The following REV1 variants were observed in gnomAD, a reference collection of about 807,000 sequenced individuals.
The protein encoded by REV1 is translesion synthesis protein REV1.
REV1 carries 42 observed loss-of-function variants against 137.4 expected under a neutral mutation model. The ratio of observed to expected loss-of-function variants is 0.31; its 90% CI spans 0.24 to 0.40. REV1 has a LOEUF of 0.40. REV1 is among the 10% of genes least tolerant of loss of function. The pLI, the probability that REV1 is intolerant of heterozygous loss-of-function variation, is 1.00. For missense variants in REV1, 1,282 were observed against 1,490.1 expected, an observed-to-expected ratio of 0.86 and a Z score of 2.30; for synonymous variants, 524 against 519.2, an observed-to-expected ratio of 1.01 and a Z score of -0.12.
chr2:99,462,809 C>T (rs981834294), intron 2 of REV1, 187 bp from the exon 3 acceptor site: 8 of 541,948 alleles, frequency 1.5e-5, no homozygotes, highest in Admixed American at 1.2e-4. Flanking sequence ...AAAGTTGGGC[C>T]GGGCGCAGTG....
intron 5 of REV1, among the ~76,000 whole-genome samples, chr2:99,441,374 C>T (rs1375158915): frequency 2.0e-5 from 3 of 151,802 alleles, no homozygotes; most frequent in Non-Finnish European, 2.9e-5. Flanking sequence ...AAAGAGAAGG[C>T]TAACCATAAT....
intron 1 of REV1, among the ~76,000 whole-genome samples, chr2:99,485,493 A>G (rs910905580): frequency 6.6e-6 from 1 of 152,208 alleles, no homozygotes; most frequent in Non-Finnish European, 1.5e-5. Flanking sequence ...TACAAGACTC[A>G]TATTTCAACT....
intron 14 of REV1, chr2:99,408,431 C>T (rs976801649): frequency 1.9e-5 from 4 of 206,942 alleles, no homozygotes; most frequent in Non-Finnish European, 1.9e-5. Context: ...TTTTAGCTAA[C>T]ATATGCACAA....
At chr2:99,466,175 T>C (rs1013989217) in intron 1 of REV1, among the ~76,000 whole-genome samples, 36 of 152,112 alleles carry the variant, frequency 2.4e-4, no homozygotes, top group African/African-American at 8.5e-4. Context: ...ATGGTCTCCA[T>C]CTCCTGACCT....
At chr2:99,403,463 A>ATTTGTGGTAATGTACTTTTT (rs1675803164) in intron 19 of REV1, 4 of 611,260 alleles carry the variant, frequency 6.5e-6, no homozygotes, top group African/African-American at 5.5e-5. Context: ...GTCCTATTCC[A>ATTTGTGGTAATGTACTTTTT]ACTTTTTAAA....
chr2:99,416,548 T>C (rs1677887890), intron 12 of REV1, among the ~76,000 whole-genome samples: 1 of 152,208 alleles, frequency 6.6e-6, no homozygotes, highest in Non-Finnish European at 1.5e-5. Context: ...CCAACTCTGC[T>C]GCCCTATCTT....
rs771579273 is a variant in REV1 at position 99,403,762 on chromosome 2, T to C, written c.3099A>G (p.Lys1033=). 3.1e-6 allele frequency: 5 copies of C among 1,614,094 alleles called. No individual in the cohort carries two copies. In the African/African-American group the frequency reaches 6.7e-5, roughly 22 times the overall value. The stretch of plus-strand genomic sequence containing the variant: ...GCCTTTGTCTTTGATCATACGCTGC[T>C]TTCAGCTCCCTCTGAAGTTCAGCAG... ...ALPAELQREL[K]AAYDQRQRQG... is the part of the protein sequence containing the mutation. Residue 1033 remains lysine (K), a synonymous_variant, in exon 19 of 23, where the codon AAA becomes AAG. Coordinates refer to ENST00000258428, the MANE Select transcript of REV1 (RefSeq NM_016316.4).
At position 99,400,968 on chromosome 2, in the gene REV1, AAAC is replaced by A; in HGVS notation, c.*270_*272del. 3 of 215,904 alleles carry A rather than the reference AAAC, an allele frequency of 1.4e-5. No homozygotes were observed. The South Asian group carries it at 3.0e-4, about 21-fold the overall frequency. The allele number at this position is 215,904 out of a possible 1,614,324, so 13.4% of individuals were successfully genotyped here. ...CAAAATATACATACAGTTCTTTATT[AAAC>A]AACTGTAAACACTTCACTGTAAAAA... is the stretch of plus-strand genomic sequence containing the variant. On this transcript the variant is annotated 3_prime_UTR_variant, in exon 23 of 23. Coordinates refer to ENST00000258428, the MANE Select transcript of REV1 (RefSeq NM_016316.4).
chr2:99,432,833 A>G (rs1395984316), intron 8 of REV1, among the ~76,000 whole-genome samples: 1 of 152,238 alleles, frequency 6.6e-6, no homozygotes, highest in Non-Finnish European at 1.5e-5. Flanking sequence ...CAAGTAACCA[A>G]TGACAGTACT....
chr2:99,456,782 T>C (rs1412518899), intron 3 of REV1, among the ~76,000 whole-genome samples: 2 of 152,212 alleles, frequency 1.3e-5, no homozygotes, highest in African/African-American at 4.8e-5. Flanking sequence ...AACCTAACTA[T>C]ATCTGGATCT....
At chr2:99,455,795 T>C (rs904651987) in intron 3 of REV1, among the ~76,000 whole-genome samples, 1 of 152,208 alleles carries the variant, frequency 6.6e-6, no homozygotes, top group African/African-American at 2.4e-5. Context: ...CTGTCAGCTT[T>C]CAAACAAATC....
At chr2:99,424,118 C>A (rs550983374) in intron 10 of REV1, 34 bp downstream of exon 10, 1 of 1,601,202 alleles carries the variant, frequency 6.2e-7, no homozygotes, top group East Asian at 2.3e-5. Context: ...AGAAGGAAAA[C>A]ACAGACACAA....
chr2:99,401,361 G>A lies in REV1; in HGVS notation c.3645-9C>T. On this transcript the variant is annotated splice_polypyrimidine_tract_variant and intron_variant, in intron 22 of 22. Coordinates refer to ENST00000258428, the MANE Select transcript of REV1 (RefSeq NM_016316.4). ...CCGATTGCTGCATCAGCCTAAAGGT[G>A]GGGAGAGAAGAAATGTCATTAGGAA... The A allele has an allele frequency of 6.3e-7, 1 of 1,577,186 alleles. No homozygotes were observed. The highest frequency in any genetic ancestry group is 8.7e-7 in the Non-Finnish European group (1 of 1,147,598).
At chr2:99,411,034 C>G (rs1473034218) in intron 13 of REV1, among the ~76,000 whole-genome samples, 167 bp from the exon 14 acceptor site, 1 of 152,184 alleles carries the variant, frequency 6.6e-6, no homozygotes. Flanking sequence ...CACCTGTAAT[C>G]CCAGCACTTT....
At chr2:99,485,508 C>T (rs1353684797) in intron 1 of REV1, among the ~76,000 whole-genome samples, 1 of 152,194 alleles carries the variant, frequency 6.6e-6, no homozygotes, top group Non-Finnish European at 1.5e-5. Flanking sequence ...TCAACTGGAT[C>T]TTCAAGGACT....
intron 18 of REV1, 128 bp downstream of exon 18, chr2:99,404,316 C>T (rs1189753391): frequency 5.8e-6 from 4 of 692,816 alleles, no homozygotes; most frequent in Admixed American, 2.8e-5. Flanking sequence ...CTCCCCTCCC[C>T]TCCCCTCCCC....
At chr2:99,476,113 A>C (rs950388540) in intron 1 of REV1, among the ~76,000 whole-genome samples, 5 of 152,252 alleles carry the variant, frequency 3.3e-5, no homozygotes, top group Non-Finnish European at 5.9e-5. Context: ...AAAAACAACA[A>C]GATGTACCTA....
At chr2:99,452,917 A>G (rs952688250) in intron 3 of REV1, among the ~76,000 whole-genome samples, 8 of 152,266 alleles carry the variant, frequency 5.3e-5, no homozygotes, top group Non-Finnish European at 1.2e-4. Flanking sequence ...ATCATTTGCT[A>G]GTTACTTGGA....
intron 5 of REV1, among the ~76,000 whole-genome samples, chr2:99,439,802 T>TA (rs28382880): frequency 0.012 from 1,879 of 152,316 alleles, 14 homozygotes; most frequent in South Asian, 0.02. Context: ...ATAACTTTCA[T>TA]AAAAATGGAT....
Sources: gnomAD v4.1 joint callset for allele counts (sites outside exome capture counted in the v4.1 genomes callset) on GRCh38, gnomAD v4.1.1 for gene constraint, MANE v1.5 for transcripts, NCBI Gene and HGNC (gene_info 2026-07-23, HGNC 2026-07-21) for gene names.